GMDS: variants seen among roughly 807,000 people sequenced by gnomAD.
GMDS encodes GDP-mannose 4,6-dehydratase.
Under a neutral mutation model 49.9 loss-of-function variants are expected in GMDS, and 20 were observed. The observed-to-expected ratio is 0.40, with a 90% CI of 0.28 to 0.58. The LOEUF (loss-of-function observed/expected upper bound fraction) is 0.58, where lower values mean the gene tolerates loss of function less well. Ranked by LOEUF, GMDS falls within the 20% of genes least tolerant of loss-of-function variation. GMDS has a pLI of 0.42. For synonymous variants in GMDS, 177 were observed against 178.6 expected (o/e 0.99, Z 0.07); for missense variants, 362 against 481.4 (o/e 0.75, Z 2.32).
At chr6:2,101,702 G>C (rs929181274) in intron 4 of GMDS, among the ~76,000 whole-genome samples, 1 of 151,910 alleles carries the variant, frequency 6.6e-6, no homozygotes, top group Admixed American at 6.6e-5. Flanking sequence ...TAAATTTAGC[G>C]CCAAAATTGA....
intron 7 of GMDS, among the ~76,000 whole-genome samples, chr6:1,747,637 G>A (rs7753928): frequency 0.56 from 84,469 of 152,020 alleles, 24,161 homozygotes; most frequent in African/African-American, 0.68. Flanking sequence ...ATTCACATGC[G>A]TTTCATCTCT....
chr6:1,634,715 G>A (rs531599673), intron 9 of GMDS, among the ~76,000 whole-genome samples: 1 of 152,322 alleles, frequency 6.6e-6, no homozygotes, highest in East Asian at 1.9e-4. Flanking sequence ...GATGCCTGCA[G>A]ATGCTGCCTG....
intron 7 of GMDS, among the ~76,000 whole-genome samples, chr6:1,834,386 G>A (rs1756826580): frequency 6.6e-6 from 1 of 152,152 alleles, no homozygotes; most frequent in Non-Finnish European, 1.5e-5. Flanking sequence ...GGGCCTGGAG[G>A]TTACCAAATG....
intron 4 of GMDS, among the ~76,000 whole-genome samples, chr6:2,110,182 TCAC>T (rs1774464817): frequency 6.6e-6 from 1 of 151,998 alleles, no homozygotes. Context: ...CTCCCACCTT[TCAC>T]CAACCGCCCT....
chr6:1,823,153 T>C (rs1476023623), intron 7 of GMDS, among the ~76,000 whole-genome samples: 1 of 152,200 alleles, frequency 6.6e-6, no homozygotes, highest in African/African-American at 2.4e-5. Flanking sequence ...AAATGAAACT[T>C]ATTTGTACAA....
intron 4 of GMDS, among the ~76,000 whole-genome samples, chr6:2,038,578 C>T (rs1051373552): frequency 7.8e-6 from 1 of 127,450 alleles, no homozygotes; most frequent in Non-Finnish European, 1.8e-5. Context: ...TATTTTAAAA[C>T]ACTGCAAAAA....
rs74964552 is a variant in GMDS, at chr6:1,635,115, C to G, written c.988-10575G>C. 6.0e-3 allele frequency among the ~76,000 whole-genome samples: 911 copies of G among 152,292 alleles called. 5 individuals carry two copies. The highest frequency in any genetic ancestry group is 9.0e-3 in the Non-Finnish European group (609 of 68,026). ...CGATTTCAAGATTAGAGAACAGGGACTCTTCCAAAAGATTACTTCTAGAGA... is the reference window on the plus strand; with the variant it reads ...CGATTTCAAGATTAGAGAACAGGGAGTCTTCCAAAAGATTACTTCTAGAGA... On this transcript the variant is annotated intron_variant, in intron 9 of 10. Transcript: ENST00000380815. This position sits in a 1 kb window ranked among gnomAD's most constrained non-coding sequence, Gnocchi z 4.7.
chr6:1,706,139 T>C (rs1765727805), intron 9 of GMDS, among the ~76,000 whole-genome samples: 1 of 152,234 alleles, frequency 6.6e-6, no homozygotes, highest in African/African-American at 2.4e-5. Context: ...CAGATTTTCA[T>C]TCATTTCGAT....
chr6:2,153,230 T>C (rs904575519), intron 1 of GMDS, among the ~76,000 whole-genome samples: 5 of 152,166 alleles, frequency 3.3e-5, no homozygotes, highest in African/African-American at 7.2e-5. Flanking sequence ...GGAAATTTTA[T>C]GATAAAATAC....
chr6:1,973,395 CAG>C (rs1724046726), intron 4 of GMDS, among the ~76,000 whole-genome samples: 1 of 152,100 alleles, frequency 6.6e-6, no homozygotes, highest in African/African-American at 2.4e-5. Context: ...GCTCTGTTGG[CAG>C]AGAGTGATAG....
chr6:1,921,244 T>C (rs1166001702), intron 7 of GMDS, among the ~76,000 whole-genome samples: 2 of 152,244 alleles, frequency 1.3e-5, no homozygotes, highest in African/African-American at 4.8e-5. Context: ...ATATGCTCAA[T>C]TTTATGTGGT....
At chr6:1,624,579 G>C (rs928877115) in intron 9 of GMDS, 39 bp from the exon 10 acceptor site, 2 of 1,417,704 alleles carry the variant, frequency 1.4e-6, no homozygotes, top group Admixed American at 3.4e-5. Context: ...GGCGTGGGTC[G>C]TGGGGGTGGG....
At chr6:1,749,342 CT>C (rs1206110571) in intron 7 of GMDS, among the ~76,000 whole-genome samples, 1 of 152,050 alleles carries the variant, frequency 6.6e-6, no homozygotes, top group Non-Finnish European at 1.5e-5. Context: ...AATCTTAGCA[CT>C]TTGGGAGGCT....
At chr6:1,636,377 T>C (rs1261315993) in intron 9 of GMDS, among the ~76,000 whole-genome samples, 1 of 152,166 alleles carries the variant, frequency 6.6e-6, no homozygotes, top group South Asian at 2.1e-4. Context: ...AGACAGACAA[T>C]ATAAAGATTG....
In GMDS at chr6:1,783,060, T is replaced by C. The variant is rs574878518; in HGVS notation, c.772-40474A>G. On this transcript the variant is annotated intron_variant, in intron 7 of 10. Transcript: ENST00000380815. ...GTCCCAGCTACTCTGGAAGCTGAGG[T>C]GGGAGGATCACTCGAGCCTGGGAGG... Among the ~76,000 whole-genome samples, 97 of 152,130 alleles carry C rather than the reference T, an allele frequency of 6.4e-4. No homozygotes were observed. In the Middle Eastern group the frequency reaches 0.024, roughly 37 times the overall value.
At chr6:2,171,032 T>C (rs1438042758) in intron 1 of GMDS, among the ~76,000 whole-genome samples, 1 of 151,992 alleles carries the variant, frequency 6.6e-6, no homozygotes, top group South Asian at 2.1e-4. Flanking sequence ...CAAGTATGTA[T>C]CAGACTGAAA....
At chr6:1,624,628 G>C in intron 9 of GMDS, 88 bp from the exon 10 acceptor site, 1 of 887,514 alleles carries the variant, frequency 1.1e-6, no homozygotes, top group Non-Finnish European at 1.8e-6. Flanking sequence ...CCACCGTTCC[G>C]CTCCCTCTGG....
intron 4 of GMDS, among the ~76,000 whole-genome samples, chr6:2,041,226 T>C (rs1353510520): frequency 1.3e-5 from 2 of 152,104 alleles, no homozygotes; most frequent in East Asian, 3.8e-4. Context: ...TTCTAATAAC[T>C]GCAAAGCCTG....
chr6:1,701,905 C>G (rs1010602729), intron 9 of GMDS, among the ~76,000 whole-genome samples: 1 of 152,192 alleles, frequency 6.6e-6, no homozygotes, highest in African/African-American at 2.4e-5. Flanking sequence ...AGAAGTAGTT[C>G]TTCCAAAGTA....
Sources: gnomAD v4.1 joint callset for allele counts (sites outside exome capture counted in the v4.1 genomes callset) on GRCh38, gnomAD v4.1.1 for gene constraint, Gnocchi (gnomAD v3.1) non-coding constraint, MANE v1.5 for transcripts, NCBI Gene and HGNC (gene_info 2026-07-23, HGNC 2026-07-21) for gene names.